TMPRSS7: variants seen among roughly 807,000 people sequenced by gnomAD.
TMPRSS7 encodes transmembrane serine protease 7, also known as transmembrane protease serine 7.
TMPRSS7 carries 81 observed loss-of-function variants against 95.6 expected under a neutral mutation model. The observed-to-expected ratio is 0.85, with a 90% CI of 0.71 to 1.02. TMPRSS7 has a LOEUF of 1.02. Among genes scored for constraint, TMPRSS7 ranks in the 50% least tolerant of loss-of-function variants. The pLI, the probability that TMPRSS7 is intolerant of heterozygous loss-of-function variation, is 0.00. For missense variants in TMPRSS7, 945 were observed against 955.2 expected, an observed-to-expected ratio of 0.99 and a Z score of 0.14; for synonymous variants, 364 against 337.8, an observed-to-expected ratio of 1.08 and a Z score of -0.85.
At chr3:112,050,212 G>A (rs1011399051) in intron 8 of TMPRSS7, among the ~76,000 whole-genome samples, 1 of 152,166 alleles carries the variant, frequency 6.6e-6, no homozygotes, top group East Asian at 1.9e-4. Flanking sequence ...AGGACAAGAA[G>A]AGAAATGTAT....
intron 8 of TMPRSS7, 148 bp from the exon 9 acceptor site, chr3:112,050,523 A>AAAAAAAG (rs1553763192): frequency 1.1e-5 from 2 of 178,554 alleles, no homozygotes; most frequent in East Asian, 1.3e-4. Flanking sequence ...CTTTCTTCTG[A>AAAAAAAG]AAAAAAAAAA....
chr3:112,036,507 G>T (rs1436359897), intron 1 of TMPRSS7, among the ~76,000 whole-genome samples: 2 of 151,652 alleles, frequency 1.3e-5, no homozygotes, highest in African/African-American at 4.8e-5. Context: ...GGCAGAGGTT[G>T]CAGTGAGCCA....
intron 11 of TMPRSS7, among the ~76,000 whole-genome samples, chr3:112,062,963 G>C (rs753827365): frequency 6.6e-6 from 1 of 152,172 alleles, no homozygotes; most frequent in African/African-American, 2.4e-5. Flanking sequence ...TGGACAGGGA[G>C]GTAAGGGGCA....
Position 112,044,287 on chromosome 3 carries a change from CA to C in TMPRSS7, c.465del (p.Lys155AsnfsTer46). 1 of 1,551,276 alleles carries C rather than the reference CA, an allele frequency of 6.4e-7. No homozygotes were observed. The highest frequency in any genetic ancestry group is 8.7e-7 in the Non-Finnish European group (1 of 1,146,742). On this transcript the variant is annotated frameshift_variant, in exon 4 of 18. Transcript: ENST00000452346. LOFTEE classifies it high-confidence loss of function. ...TGGTTTATACAACATCTGCCTTCTC[CA>C]AATTTTATGAGCAGTCTGTTGTTGC...
intron 15 of TMPRSS7, among the ~76,000 whole-genome samples, chr3:112,076,241 A>G (rs1576123933): frequency 6.6e-6 from 1 of 152,080 alleles, no homozygotes; most frequent in Non-Finnish European, 1.5e-5. Context: ...GCTGATGGAG[A>G]TGGACGCTTC....
intron 10 of TMPRSS7, among the ~76,000 whole-genome samples, chr3:112,059,305 T>C (rs1027482419): frequency 6.6e-6 from 1 of 152,242 alleles, no homozygotes; most frequent in Non-Finnish European, 1.5e-5. Flanking sequence ...TATGTCTTAG[T>C]TTCCTCACTT....
At chr3:112,041,475 C>T (rs968661469) in intron 2 of TMPRSS7, among the ~76,000 whole-genome samples, 5 of 152,206 alleles carry the variant, frequency 3.3e-5, no homozygotes, top group Non-Finnish European at 7.3e-5. Context: ...CCCCTCTACC[C>T]ACTTTGTCCC....
chr3:112,054,526 T>A (rs1270546150), intron 9 of TMPRSS7, among the ~76,000 whole-genome samples: 2 of 152,132 alleles, frequency 1.3e-5, no homozygotes, highest in African/African-American at 4.8e-5. Flanking sequence ...GGAATCAGTG[T>A]GCAAGGGGAC....
intron 9 of TMPRSS7, among the ~76,000 whole-genome samples, chr3:112,054,867 G>A (rs1319109294): frequency 1.3e-5 from 2 of 148,682 alleles, no homozygotes; most frequent in Admixed American, 6.9e-5. Flanking sequence ...AGCCTCCCGA[G>A]TAGGTGGGAC....
intron 4 of TMPRSS7, among the ~76,000 whole-genome samples, chr3:112,045,544 T>G (rs2073267047): frequency 6.6e-6 from 1 of 152,228 alleles, no homozygotes; most frequent in African/African-American, 2.4e-5. Flanking sequence ...GGTTTTAGAT[T>G]AGAATCCAAC....
Position 112,042,519 on chromosome 3 carries a change from A to G in TMPRSS7, c.429+469A>G, listed in dbSNP as rs774006620. ...AGATGATTATGTTTTAAAAACTAAC[A>G]TCTTCTTTAATGTCATCACCGGAGA... On this transcript the variant is annotated intron_variant, in intron 3 of 17. Coordinates refer to ENST00000452346, the Ensembl canonical transcript of TMPRSS7. Among the ~76,000 whole-genome samples the G allele has an allele frequency of 2.6e-5, 4 of 152,352 alleles. No individual in the cohort carries two copies. The South Asian group carries it at 8.3e-4, about 32-fold the overall frequency.
chr3:112,035,314 G>A (rs1434041136), intron 1 of TMPRSS7, among the ~76,000 whole-genome samples: 1 of 152,192 alleles, frequency 6.6e-6, no homozygotes, highest in Non-Finnish European at 1.5e-5. Flanking sequence ...ACAATGGAAT[G>A]TTTCTCTCTT....
Position 112,049,873 on chromosome 3 carries a change from C to A in TMPRSS7, c.989C>A (p.Ser330Ter). 6.5e-7 allele frequency: 1 copy of A among 1,546,098 alleles called. No homozygotes were observed. Among genetic ancestry groups the A allele is most frequent in the South Asian group, 1.2e-5 (1 of 80,882 alleles). The stretch of plus-strand genomic sequence containing the variant: ...TGTGAACCCACAAGAACATTAATGT[C>A]ATTTGTTTCTACAAATAATCTCATG... Residue 330 changes from serine to a stop codon, truncating the protein, a stop_gained, in exon 8 of 18, where the codon TCA becomes TAA. Coordinates refer to ENST00000452346, the Ensembl canonical transcript of TMPRSS7. LOFTEE classifies it high-confidence loss of function.
chr3:112,080,583 CCACCACCAT>C (rs2073767686), intron 17 of TMPRSS7, among the ~76,000 whole-genome samples: 1 of 151,412 alleles, frequency 6.6e-6, no homozygotes. Flanking sequence ...ACCACCACCA[CCACCACCAT>C]CACCACTAGT....
chr3:112,044,588 C>T (rs989604214), intron 4 of TMPRSS7, among the ~76,000 whole-genome samples: 6 of 152,138 alleles, frequency 3.9e-5, no homozygotes, highest in Non-Finnish European at 7.4e-5. Flanking sequence ...TGGCCATAAA[C>T]TTGTCTATCA....
intron 1 of TMPRSS7, among the ~76,000 whole-genome samples, chr3:112,035,498 A>C (rs1006330519): frequency 1.3e-5 from 2 of 152,210 alleles, no homozygotes; most frequent in African/African-American, 4.8e-5. Context: ...GTATTATCCC[A>C]TTAATTGGCA....
At position 112,036,752 on chromosome 3, in the gene TMPRSS7, G is replaced by A. The variant is rs144473834; in HGVS notation, c.49-1320G>A. Among the ~76,000 whole-genome samples, 205 of 152,240 alleles carry A rather than the reference G, an allele frequency of 1.3e-3. 5 individuals carry two copies. The East Asian group carries it at 0.03, about 22-fold the overall frequency. On this transcript the variant is annotated intron_variant, in intron 1 of 17. Transcript: ENST00000452346. ...GAGGAAAGAACCTAGAAACTGTTGC[G>A]GGAAGTCAGCGACCCTGAATGGAGG...
At chr3:112,041,888 G>C in intron 2 of TMPRSS7, 32 bp from the exon 3 acceptor site, 1 of 1,404,966 alleles carries the variant, frequency 7.1e-7, no homozygotes, top group Non-Finnish European at 9.9e-7. Context: ...AGATGGGAAA[G>C]CCTCCGAATC....
upstream of TMPRSS7, chr3:112,034,780 G>C: frequency 1.4e-6 from 1 of 699,598 alleles, no homozygotes; most frequent in Non-Finnish European, 2.6e-6. Context: ...CTTCTCAAGA[G>C]AGCATATAAG....
Sources: gnomAD v4.1 joint callset for allele counts (sites outside exome capture counted in the v4.1 genomes callset) on GRCh38, gnomAD v4.1.1 for gene constraint, MANE v1.5 for transcripts, NCBI Gene and HGNC (gene_info 2026-07-23, HGNC 2026-07-21) for gene names.